The following CCDC60 variants were observed in gnomAD, a reference collection of about 807,000 sequenced individuals.
CCDC60 encodes the protein coiled-coil domain-containing protein 60.
Under a neutral mutation model 63.5 loss-of-function variants are expected in CCDC60, and 54 were observed. The observed-to-expected ratio is 0.85, with a 90% CI of 0.68 to 1.07. The LOEUF (loss-of-function observed/expected upper bound fraction) is 1.07, where lower values mean the gene tolerates loss of function less well. Among genes scored for constraint, CCDC60 ranks in the 50% least tolerant of loss-of-function variants. CCDC60 has a pLI of 0.00. For synonymous variants in CCDC60, 206 were observed against 238.8 expected (o/e 0.86, Z 1.27); for missense variants, 651 against 684.3 (o/e 0.95, Z 0.54).
In CCDC60 at chr12:119,523,694, C is replaced by T. The variant is rs912024814; in HGVS notation, c.1105C>T (p.Arg369Cys). The T allele has an allele frequency of 8.7e-6, 14 of 1,613,886 alleles. No homozygotes were observed. Among genetic ancestry groups the T allele is most frequent in the Admixed American group, 5.0e-5 (3 of 60,016 alleles). Residue 369 changes from arginine to cysteine, a missense_variant and splice_region_variant, in exon 11 of 14, where the codon CGC (arginine) becomes TGC (cysteine). Physicochemically the swap from Arg to Cys is radical, Grantham distance 180. Coordinates refer to ENST00000327554, the MANE Select transcript of CCDC60 (RefSeq NM_178499.5). ...AGCCCTTCTTATCTGTGTCCACAGCCGCACTAATTGTGACATCAACATCCA... is the reference window on the plus strand; with the variant it reads ...AGCCCTTCTTATCTGTGTCCACAGCTGCACTAATTGTGACATCAACATCCA... ...IQPVQKKSKN[R>C]TNCDINIHYK...
At chr12:119,379,228 C>T in intron 1 of CCDC60, among the ~76,000 whole-genome samples, 1 of 152,358 alleles carries the variant, frequency 6.6e-6, no homozygotes, top group East Asian at 1.9e-4. Context: ...TATAAAATCA[C>T]CCCATGTGGG....
At chr12:119,535,235 G>T (rs1288716680) in intron 13 of CCDC60, among the ~76,000 whole-genome samples, 1 of 152,128 alleles carries the variant, frequency 6.6e-6, no homozygotes, top group South Asian at 2.1e-4. Flanking sequence ...ATGGTAGTTT[G>T]TATTTCTGTG....
At chr12:119,369,635 T>C (rs921441055) in intron 1 of CCDC60, among the ~76,000 whole-genome samples, 12 of 152,170 alleles carry the variant, frequency 7.9e-5, no homozygotes, top group African/African-American at 2.2e-4. Context: ...ACAGTCTCCA[T>C]CTACAAATGG....
intron 1 of CCDC60, among the ~76,000 whole-genome samples, chr12:119,363,586 A>C (rs957216116): frequency 2.0e-5 from 3 of 152,190 alleles, no homozygotes; most frequent in African/African-American, 7.2e-5. Context: ...CACAAGACAC[A>C]GCTATTAATA....
chr12:119,441,504 G>A (rs759142400), intron 2 of CCDC60, among the ~76,000 whole-genome samples: 3 of 152,266 alleles, frequency 2.0e-5, no homozygotes, highest in Non-Finnish European at 2.9e-5. Flanking sequence ...ATCAGAAGAA[G>A]GAACATTACC....
intron 1 of CCDC60, among the ~76,000 whole-genome samples, chr12:119,347,873 C>T (rs145295551): frequency 1.3e-5 from 2 of 152,298 alleles, no homozygotes; most frequent in Non-Finnish European, 2.9e-5. Context: ...AAAATGTTAT[C>T]TCTTAATATT....
intron 2 of CCDC60, among the ~76,000 whole-genome samples, chr12:119,453,519 C>A (rs531243271): frequency 1.3e-5 from 2 of 152,330 alleles, no homozygotes; most frequent in East Asian, 3.9e-4. Flanking sequence ...CCACCACTGG[C>A]ACAGTGGACT....
At chr12:119,396,478 C>T (rs1189547135) in intron 1 of CCDC60, among the ~76,000 whole-genome samples, 1 of 152,132 alleles carries the variant, frequency 6.6e-6, no homozygotes, top group African/African-American at 2.4e-5. Flanking sequence ...GTCATGGATG[C>T]AGCAGTGGAA....
intron 1 of CCDC60, among the ~76,000 whole-genome samples, chr12:119,337,676 A>G (rs1202512111): frequency 3.9e-5 from 6 of 152,172 alleles, no homozygotes; most frequent in South Asian, 2.1e-4. Flanking sequence ...TACAATCTAT[A>G]GTGTGTATGC....
rs143235517 is a variant in CCDC60, at chr12:119,410,565, TAC to T, written c.91-18104_91-18103del. On this transcript the variant is annotated intron_variant, in intron 1 of 13. Transcript: ENST00000327554. This position sits in a 1 kb window ranked among gnomAD's most constrained non-coding sequence, Gnocchi z 4.0. ...GAAAACCTTCATCACCACACCCCAATACACACACACACACAGGCACACACACA... is the reference window on the plus strand; with the variant it reads ...GAAAACCTTCATCACCACACCCCAATACACACACACACAGGCACACACACA... Among the ~76,000 whole-genome samples the T allele has an allele frequency of 6.7e-5, 10 of 149,862 alleles. No individual in the cohort carries two copies. Among genetic ancestry groups the T allele is most frequent in the South Asian group, 2.1e-4 (1 of 4,724 alleles).
chr12:119,335,784 A>G (rs11614791), intron 1 of CCDC60, among the ~76,000 whole-genome samples: 2 of 151,520 alleles, frequency 1.3e-5, no homozygotes, highest in Admixed American at 6.6e-5. Context: ...CTTTTGCTGT[A>G]CAGAAGCTCT....
chr12:119,467,155 G>C (rs1466898507), intron 2 of CCDC60, among the ~76,000 whole-genome samples: 1 of 152,262 alleles, frequency 6.6e-6, no homozygotes, highest in Non-Finnish European at 1.5e-5. Context: ...TGCAGGTGCA[G>C]TCATGGAGCA....
At chr12:119,352,269 G>A (rs1955663358) in intron 1 of CCDC60, among the ~76,000 whole-genome samples, 1 of 152,148 alleles carries the variant, frequency 6.6e-6, no homozygotes, top group Non-Finnish European at 1.5e-5. Context: ...CTCCAACACT[G>A]GGGATTACAG....
intron 2 of CCDC60, among the ~76,000 whole-genome samples, chr12:119,466,228 G>A (rs1950951743): frequency 6.6e-6 from 1 of 152,078 alleles, no homozygotes; most frequent in Non-Finnish European, 1.5e-5. Context: ...TGCCTGCTCT[G>A]TTCCTCCATA....
intron 1 of CCDC60, among the ~76,000 whole-genome samples, chr12:119,366,982 G>C (rs1345791509): frequency 6.6e-6 from 1 of 152,062 alleles, no homozygotes; most frequent in Admixed American, 6.5e-5. Context: ...ACAGGCACCC[G>C]CCACCATGCC....
intron 4 of CCDC60, among the ~76,000 whole-genome samples, chr12:119,485,083 G>A (rs1031003513): frequency 4.6e-5 from 7 of 152,194 alleles, no homozygotes; most frequent in African/African-American, 1.7e-4. Flanking sequence ...GAAGGAAGAG[G>A]AGCAGGAATA....
chr12:119,475,736 T>G (rs1951162831), intron 3 of CCDC60, among the ~76,000 whole-genome samples: 1 of 152,162 alleles, frequency 6.6e-6, no homozygotes, highest in Non-Finnish European at 1.5e-5. Context: ...TTTCTTCACG[T>G]ACATAAATAA....
At chr12:119,397,993 C>T (rs1219414933) in intron 1 of CCDC60, among the ~76,000 whole-genome samples, 1 of 24,960 alleles carries the variant, frequency 4.0e-5, no homozygotes, top group Non-Finnish European at 7.2e-5. Flanking sequence ...GAGGAAGGGG[C>T]GGTGTGGGGG....
chr12:119,515,356 T>C (rs1360043136), intron 7 of CCDC60, among the ~76,000 whole-genome samples: 3 of 152,218 alleles, frequency 2.0e-5, no homozygotes, highest in Non-Finnish European at 4.4e-5. Context: ...AGTCTCACTC[T>C]GTCGTCCAGG....
Sources: allele counts gnomAD v4.1 joint callset (sites outside exome capture counted in the v4.1 genomes callset), GRCh38; gene constraint gnomAD v4.1.1; non-coding constraint Gnocchi (gnomAD v3.1); transcripts MANE v1.5; gene names NCBI Gene and HGNC (gene_info 2026-07-23, HGNC 2026-07-21).